TRPM8: variants seen among roughly 807,000 people sequenced by gnomAD.
TRPM8 encodes TRPM8 cationic channel.
TRPM8 carries 110 observed loss-of-function variants against 133.7 expected under a neutral mutation model. That is an observed-to-expected ratio of 0.82 (90% CI 0.70 to 0.96). The LOEUF (loss-of-function observed/expected upper bound fraction) is 0.96, where lower values mean the gene tolerates loss of function less well. Among genes scored for constraint, TRPM8 ranks in the 40% least tolerant of loss-of-function variants. The pLI is 0.00. For synonymous variants in TRPM8, 535 were observed against 532.3 expected, an observed-to-expected ratio of 1.01 and a Z score of -0.07; for missense variants, 1,291 against 1,379.5, an observed-to-expected ratio of 0.94 and a Z score of 1.02.
intron 22 of TRPM8, among the ~76,000 whole-genome samples, chr2:234,005,682 A>G (rs1692674917): frequency 6.6e-6 from 1 of 152,138 alleles, no homozygotes; most frequent in South Asian, 2.1e-4. Context: ...AGGCCGAGGC[A>G]GGTAAACCAC....
chr2:233,919,200 A>AT (rs542983908), intron 1 of TRPM8, among the ~76,000 whole-genome samples: 174 of 151,900 alleles, frequency 1.1e-3, no homozygotes, highest in Non-Finnish European at 1.0e-3. Context: ...GCACACTAAT[A>AT]TTTTTTTTGT....
intron 22 of TRPM8, among the ~76,000 whole-genome samples, chr2:234,004,990 A>G (rs1692658025): frequency 2.0e-5 from 3 of 152,222 alleles, no homozygotes. Context: ...ATAATTAATC[A>G]GTTCCTTGTT....
chr2:234,000,155 G>C lies in TRPM8; in HGVS notation c.3130+3639G>C, dbSNP rs1009593012. 4.6e-5 allele frequency among the ~76,000 whole-genome samples: 7 copies of C among 151,348 alleles called. No homozygotes were observed. In the East Asian group the frequency reaches 1.4e-3, roughly 29 times the overall value. On this transcript the variant is annotated intron_variant, in intron 22 of 25. Transcript: ENST00000324695. ...AGACAGAGTCTCTCTGTGTTGCCCA[G>C]GCTGGAGTGCAGTGGCATGATCTCG...
chr2:233,992,781 A>C (rs1692311834), intron 21 of TRPM8, among the ~76,000 whole-genome samples: 1 of 152,210 alleles, frequency 6.6e-6, no homozygotes, highest in Admixed American at 6.5e-5. Flanking sequence ...GAACCATCTC[A>C]GATGGGGCGG....
In TRPM8 at chr2:233,969,776, C is replaced by G. The variant is rs1350887877; in HGVS notation, c.2107C>G (p.Pro703Ala). Reference sequence around the variant, plus strand: ...GATTATCCTGTGTCTGTTTATTATACCCTTGGTGGGCTGTGGCTTTGTATC... The same window carrying G: ...GATTATCCTGTGTCTGTTTATTATAGCCTTGGTGGGCTGTGGCTTTGTATC... ...WKIILCLFIIPLVGCGFVSFR... is the reference protein window; with the variant it reads ...WKIILCLFIIALVGCGFVSFR... The change falls in exon 16 of 26, where the codon CCC becomes GCC. Residue 703 changes from proline (P) to alanine (A), a missense_variant. By Grantham distance (27) the Pro-to-Ala change is conservative. Transcript: ENST00000324695. 1.2e-6 allele frequency: 2 copies of G among 1,613,422 alleles called. No homozygotes were observed. The highest frequency in any genetic ancestry group is 1.1e-5 in the South Asian group (1 of 91,058).
intron 3 of TRPM8, chr2:233,933,707 T>G (rs1357724042): frequency 6.5e-6 from 1 of 154,508 alleles, no homozygotes; most frequent in African/African-American, 2.4e-5. Flanking sequence ...TGTTTTCAGT[T>G]ATAGCAAGAA....
chr2:233,964,549 C>A (rs1362773713), intron 13 of TRPM8, 79 bp from the exon 14 acceptor site: 37 of 831,814 alleles, frequency 4.4e-5, no homozygotes, highest in Non-Finnish European at 5.6e-5. Context: ...GAGACTCCGT[C>A]TCAAAAAAAA....
intron 18 of TRPM8, among the ~76,000 whole-genome samples, chr2:233,980,611 A>G (rs1574755635): frequency 6.6e-6 from 1 of 152,108 alleles, no homozygotes; most frequent in Non-Finnish European, 1.5e-5. Context: ...CAAGGGATCC[A>G]CCTGCCTCAG....
chr2:233,993,073 G>A (rs974975568), intron 21 of TRPM8, among the ~76,000 whole-genome samples: 1 of 152,196 alleles, frequency 6.6e-6, no homozygotes, highest in Non-Finnish European at 1.5e-5. Flanking sequence ...TGCCATATGG[G>A]TCAGCTGTAC....
intron 22 of TRPM8, among the ~76,000 whole-genome samples, chr2:234,000,780 G>A (rs1692540540): frequency 6.6e-6 from 1 of 151,846 alleles, no homozygotes; most frequent in African/African-American, 2.4e-5. Flanking sequence ...CCGAGTTCAA[G>A]CAATTCCCCT....
chr2:234,006,002 TTCTG>T (rs1692686592), intron 22 of TRPM8, among the ~76,000 whole-genome samples: 1 of 151,682 alleles, frequency 6.6e-6, no homozygotes, highest in Non-Finnish European at 1.5e-5. Context: ...TGCATATTGG[TTCTG>T]TCTTTGACCC....
intron 11 of TRPM8, among the ~76,000 whole-genome samples, chr2:233,958,749 C>T (rs113186963): frequency 0.015 from 2,306 of 152,284 alleles, 49 homozygotes; most frequent in African/African-American, 0.05. Context: ...ACTCAAGGGA[C>T]CCTTGACAAC....
At chr2:233,964,032 T>G (rs1004035376) in intron 13 of TRPM8, among the ~76,000 whole-genome samples, 2 of 152,170 alleles carry the variant, frequency 1.3e-5, no homozygotes, top group Non-Finnish European at 2.9e-5. Context: ...ACTGTGAACA[T>G]ATTCAGGTTC....
rs765964497 is a variant in TRPM8 at position 233,930,684 on chromosome 2, T to C, written c.134T>C (p.Ile45Thr). The change falls in exon 3 of 26, where the codon ATT (isoleucine) becomes ACT (threonine). Residue 45 changes from isoleucine (I) to threonine (T), a missense_variant. Physicochemically the swap from Ile to Thr is moderately conservative, Grantham distance 89 (BLOSUM62 -1). Transcript: ENST00000324695. Reference protein sequence around the residue: ...SYSESDLVNFIQANFKKRECV... With the variant: ...SYSESDLVNFTQANFKKRECV... Reference sequence around the variant, plus strand: ...TCTCCAAAGGACTTGGTGAATTTTATTCAAGCAAATTTTAAGAAACGAGAA... The same window carrying C: ...TCTCCAAAGGACTTGGTGAATTTTACTCAAGCAAATTTTAAGAAACGAGAA... 3.7e-6 allele frequency: 6 copies of C among 1,609,232 alleles called. No homozygotes were observed. In the Admixed American group the frequency reaches 8.4e-5, roughly 22 times the overall value.
intron 8 of TRPM8, chr2:233,947,368 T>C (rs535116803): frequency 6.5e-7 from 1 of 1,528,760 alleles, no homozygotes; most frequent in South Asian, 1.2e-5. Flanking sequence ...ATGAATAACC[T>C]GTGTACTTAG....
chr2:233,962,285 A>G (rs1691458522), intron 12 of TRPM8, among the ~76,000 whole-genome samples: 1 of 152,228 alleles, frequency 6.6e-6, no homozygotes, highest in Admixed American at 6.5e-5. Flanking sequence ...ATCAGAGCCC[A>G]GTAGCGTACA....
Position 233,985,682 on chromosome 2 carries a change from C to G in TRPM8, c.2762-6C>G. 1 of 1,612,610 alleles carries G rather than the reference C, an allele frequency of 6.2e-7. No individual in the cohort carries two copies. Among genetic ancestry groups the G allele is most frequent in the Non-Finnish European group, 8.5e-7 (1 of 1,178,896 alleles). ...TCACTTTGCCTGTTGGTTTCTACAT[C>G]CTCAGGTACCACGTATGACTTTGCC... On this transcript the variant is annotated splice_polypyrimidine_tract_variant and splice_region_variant and intron_variant, in intron 20 of 25. Coordinates refer to ENST00000324695, the MANE Select transcript of TRPM8 (RefSeq NM_024080.5).
intron 1 of TRPM8, among the ~76,000 whole-genome samples, chr2:233,925,873 G>T (rs1366374664): frequency 6.6e-6 from 1 of 152,042 alleles, no homozygotes; most frequent in African/African-American, 2.4e-5. Flanking sequence ...AGTATGGGAT[G>T]GGGGCATATT....
In TRPM8 at chr2:234,014,930, A is replaced by C. The variant is rs536091833; in HGVS notation, c.*42+276A>C. Among the ~76,000 whole-genome samples the C allele has an allele frequency of 2.0e-5, 3 of 152,330 alleles. No homozygotes were observed. In the East Asian group the frequency reaches 5.8e-4, roughly 29 times the overall value. On this transcript the variant is annotated intron_variant, in intron 25 of 25. Transcript: ENST00000324695. ...CTTGTCCTGTAGGACCTTTTAAAAC[A>C]CTTGCAACCTATGCAGCTATTTTGG...
Sources: gnomAD v4.1 joint callset for allele counts (sites outside exome capture counted in the v4.1 genomes callset) on GRCh38, gnomAD v4.1.1 for gene constraint, MANE v1.5 for transcripts, NCBI Gene and HGNC (gene_info 2026-07-23, HGNC 2026-07-21) for gene names.